The following CABIN1 variants were observed in gnomAD, a reference collection of about 807,000 sequenced individuals.
The protein encoded by CABIN1 is calcineurin binding protein 1.
A neutral mutation model predicts 227.7 loss-of-function variants in CABIN1; 133 were observed. The observed-to-expected ratio is 0.58, with a 90% confidence interval of 0.51 to 0.67. The LOEUF (loss-of-function observed/expected upper bound fraction) is 0.67, where lower values mean the gene tolerates loss of function less well. CABIN1 is among the 30% of genes least tolerant of loss of function. The pLI is 0.00. For synonymous variants in CABIN1, 1,086 were observed against 1,155.1 expected, an observed-to-expected ratio of 0.94 and a Z score of 1.21; for missense variants, 2,408 against 2,852.5, an observed-to-expected ratio of 0.84 and a Z score of 3.55.
rs2041027501 is a variant in CABIN1, at chr22:24,084,626, G to A, written c.2958G>A (p.Lys986=). 2.5e-6 allele frequency: 4 copies of A among 1,614,062 alleles called. No individual in the cohort carries two copies. Among genetic ancestry groups the A allele is most frequent in the Non-Finnish European group, 3.4e-6 (4 of 1,179,996 alleles). The part of the protein sequence containing the change: ...EDALFMFEYF[K]PKTLPEFDSY... ...CACTGTTCATGTTTGAGTATTTTAA[G>A]CCCAAGACCCTTCCTGAATTTGACA... The change falls in exon 21 of 37, where the codon AAG becomes AAA. Residue 986 remains lysine (K), a synonymous_variant. Transcript: ENST00000263119.
chr22:24,028,548 A>G (rs2036262889), intron 1 of CABIN1, among the ~76,000 whole-genome samples: 1 of 152,184 alleles, frequency 6.6e-6, no homozygotes, highest in Non-Finnish European at 1.5e-5. Flanking sequence ...GAAAAGTTAA[A>G]TGTGTCCTAT....
In CABIN1 at chr22:24,083,363, T is replaced by C; in HGVS notation, c.2884T>C (p.Tyr962His). ...CCCCAGCAAGAAGAGTAAGGCCAGG[T>C]ACCTGGAGGAACACTCGGCCCAGCA... ...SFPSKKSKAR[Y>H]LEEHSAQQVD... is the part of the protein sequence containing the mutation. Residue 962 changes from tyrosine (Y) to histidine (H), a missense_variant, in exon 20 of 37, where the codon TAC (tyrosine) becomes CAC (histidine). Tyr to His is a moderately conservative substitution (Grantham distance 83). Coordinates refer to ENST00000263119, the MANE Select transcript of CABIN1 (RefSeq NM_012295.4). 6.2e-7 allele frequency: 1 copy of C among 1,613,976 alleles called. No homozygotes were observed. Among genetic ancestry groups the C allele is most frequent in the Non-Finnish European group, 8.5e-7 (1 of 1,180,028 alleles).
Position 24,178,242 on chromosome 22 carries a change from C to A in CABIN1, c.*46C>A. The A allele has an allele frequency of 1.2e-6, 2 of 1,609,672 alleles. No homozygotes were observed. The highest frequency in any genetic ancestry group is 1.7e-6 in the Non-Finnish European group (2 of 1,178,646). ...GCCACGCCCCAGGGGACCAGCCAGG[C>A]CTGGAATGCCCCCTGGGCAGGACCC... On this transcript the variant is annotated 3_prime_UTR_variant, in exon 37 of 37. Coordinates refer to ENST00000263119, the MANE Select transcript of CABIN1 (RefSeq NM_012295.4).
intron 34 of CABIN1, among the ~76,000 whole-genome samples, chr22:24,174,379 T>G (rs1187828918): frequency 2.6e-5 from 4 of 152,178 alleles, no homozygotes; most frequent in Admixed American, 6.5e-5. Context: ...TCCACTCGCC[T>G]CAGCCTCCCA....
At chr22:24,012,313 G>T (rs1170839240) in intron 1 of CABIN1, among the ~76,000 whole-genome samples, 1 of 152,016 alleles carries the variant, frequency 6.6e-6, no homozygotes, top group Non-Finnish European at 1.5e-5. Flanking sequence ...TAATTTTCAC[G>T]TGTCATGATT....
At chr22:24,066,137 C>G (rs2039661012) in intron 15 of CABIN1, among the ~76,000 whole-genome samples, 1 of 152,198 alleles carries the variant, frequency 6.6e-6, no homozygotes, top group African/African-American at 2.4e-5. Flanking sequence ...TGACCTGTTT[C>G]TGAGGAACAA....
At chr22:24,119,241 T>G in intron 27 of CABIN1, 126 bp from the exon 28 acceptor site, 1 of 845,848 alleles carries the variant, frequency 1.2e-6, no homozygotes, top group Admixed American at 1.9e-5. Flanking sequence ...CAGCATCCAC[T>G]CAGCAAGGGC....
intron 19 of CABIN1, among the ~76,000 whole-genome samples, chr22:24,078,283 C>T (rs1569178061): frequency 6.6e-6 from 1 of 152,152 alleles, no homozygotes; most frequent in Non-Finnish European, 1.5e-5. Flanking sequence ...CAATACCTGA[C>T]AGACTGCTGC....
intron 18 of CABIN1, 58 bp from the exon 19 acceptor site, chr22:24,076,111 C>T: frequency 7.7e-7 from 1 of 1,294,518 alleles, no homozygotes; most frequent in Non-Finnish European, 1.1e-6. Flanking sequence ...CTCGCAGCCC[C>T]TGCAGGCACG....
At chr22:24,027,801 T>A (rs550840430) in intron 1 of CABIN1, among the ~76,000 whole-genome samples, 2 of 152,362 alleles carry the variant, frequency 1.3e-5, no homozygotes, top group East Asian at 3.9e-4. Flanking sequence ...GCTCTTTGAC[T>A]CTCCAGTTTC....
At chr22:24,118,433 C>G (rs957024727) in intron 27 of CABIN1, among the ~76,000 whole-genome samples, 1 of 152,132 alleles carries the variant, frequency 6.6e-6, no homozygotes, top group African/African-American at 2.4e-5. Flanking sequence ...CTGACTCGGC[C>G]CTGCCCCAGC....
chr22:24,160,060 C>A (rs1044698029), intron 29 of CABIN1, among the ~76,000 whole-genome samples: 3 of 152,160 alleles, frequency 2.0e-5, no homozygotes, highest in Non-Finnish European at 4.4e-5. Flanking sequence ...GTGGGCGAGT[C>A]TGGCCCCTGG....
chr22:24,048,687 T>A (rs530543563), intron 6 of CABIN1, among the ~76,000 whole-genome samples: 50 of 152,332 alleles, frequency 3.3e-4, no homozygotes, highest in African/African-American at 1.1e-3. Context: ...TCTAGAGTGT[T>A]GGGATTATAG....
chr22:24,098,388 G>A (rs766132880), intron 26 of CABIN1, 196 bp downstream of exon 26: 27 of 1,214,844 alleles, frequency 2.2e-5, no homozygotes, highest in Middle Eastern at 2.8e-4. Context: ...GCTCAGGGTC[G>A]CCACCTGCCA....
chr22:24,078,035 T>C (rs1173591338), intron 19 of CABIN1, among the ~76,000 whole-genome samples: 1 of 152,156 alleles, frequency 6.6e-6, no homozygotes, highest in African/African-American at 2.4e-5. Context: ...TTGCAGCAGC[T>C]CTCCTGACCA....
chr22:24,174,491 T>C (rs961689560), intron 34 of CABIN1, among the ~76,000 whole-genome samples: 1 of 152,142 alleles, frequency 6.6e-6, no homozygotes, highest in Non-Finnish European at 1.5e-5. Flanking sequence ...AGTTGGTCAG[T>C]GTTGGTAGCT....
At chr22:24,122,019 G>A (rs1019348666) in intron 28 of CABIN1, among the ~76,000 whole-genome samples, 9 of 152,340 alleles carry the variant, frequency 5.9e-5, no homozygotes, top group Non-Finnish European at 1.3e-4. Context: ...CAGCAGGTTT[G>A]GGTGGGAGGA....
chr22:24,139,936 G>A (rs1023049366), intron 29 of CABIN1, among the ~76,000 whole-genome samples: 14 of 152,268 alleles, frequency 9.2e-5, no homozygotes, highest in African/African-American at 3.4e-4. Flanking sequence ...CTGGCCACAG[G>A]ATGCTCAAGG....
chr22:24,092,295 G>T (rs1172758997), intron 24 of CABIN1, among the ~76,000 whole-genome samples: 1 of 152,162 alleles, frequency 6.6e-6, no homozygotes, highest in African/African-American at 2.4e-5. Context: ...TGAGCAGCCT[G>T]CTCTCTTGAC....
Sources: gnomAD v4.1 joint callset for allele counts (sites outside exome capture counted in the v4.1 genomes callset) on GRCh38, gnomAD v4.1.1 for gene constraint, MANE v1.5 for transcripts, NCBI Gene and HGNC (gene_info 2026-07-23, HGNC 2026-07-21) for gene names.